TENM2: variants seen among roughly 807,000 people sequenced by gnomAD.
The protein encoded by TENM2 is teneurin transmembrane protein 2.
In TENM2, 52 loss-of-function variants were observed where a neutral mutation model predicts 245.2. The observed-to-expected ratio is 0.21, with a 90% CI of 0.17 to 0.27. The LOEUF is 0.27. TENM2 is among the 10% of genes least tolerant of loss of function. The pLI, the probability that TENM2 is intolerant of heterozygous loss-of-function variation, is 1.00. For synonymous variants in TENM2, 1,363 were observed against 1,438.9 expected (o/e 0.95, Z 1.19); for missense variants, 3,046 against 3,666.8 (o/e 0.83, Z 4.37).
chr5:167,952,651 C>A, exon 4 of TENM2: 1 of 1,613,194 alleles, frequency 6.2e-7, no homozygotes, highest in Non-Finnish European at 8.5e-7. Flanking sequence ...CACAACCACA[C>A]GCTGTCCCAT....
At chr5:167,110,766 T>C in the TENM2 span, among the ~76,000 whole-genome samples, 1 of 152,214 alleles carries the variant, frequency 6.6e-6, no homozygotes, top group Admixed American at 6.5e-5. Flanking sequence ...TATAGTGTTT[T>C]ATTTCCTTAT....
At chr5:167,790,841 G>A (rs1301798620) in intron 2 of TENM2, among the ~76,000 whole-genome samples, 1 of 152,132 alleles carries the variant, frequency 6.6e-6, no homozygotes, top group Admixed American at 6.5e-5. Flanking sequence ...AACATTCTCT[G>A]AAAACAAGGC....
chr5:168,262,832 C>G (rs901973469), exon 29 of TENM2: 10 of 1,567,226 alleles, frequency 6.4e-6, no homozygotes, highest in Non-Finnish European at 8.7e-6. Context: ...GCTGCCATTC[C>G]TTGTCTGAAT....
chr5:167,008,550 TTG>T, the TENM2 span, among the ~76,000 whole-genome samples: 1 of 152,178 alleles, frequency 6.6e-6, no homozygotes, highest in Non-Finnish European at 1.5e-5. Flanking sequence ...TTGATCAGTT[TTG>T]TGTGTTTGTG....
chr5:167,688,606 C>T (rs896454855), intron 2 of TENM2, among the ~76,000 whole-genome samples: 1 of 152,204 alleles, frequency 6.6e-6, no homozygotes, highest in African/African-American at 2.4e-5. Flanking sequence ...CTGTGTATTG[C>T]ACCATGTCCT....
intron 2 of TENM2, among the ~76,000 whole-genome samples, chr5:167,760,308 T>G (rs1332799565): frequency 6.6e-6 from 1 of 152,186 alleles, no homozygotes; most frequent in East Asian, 1.9e-4. Flanking sequence ...ATCCCATCTT[T>G]TGTTGTTCAG....
chr5:168,011,986 A>G (rs1281204490), intron 5 of TENM2, among the ~76,000 whole-genome samples: 1 of 152,216 alleles, frequency 6.6e-6, no homozygotes, highest in Non-Finnish European at 1.5e-5. Context: ...ATGCATAGTC[A>G]GTGGTTAGGA....
the TENM2 span, among the ~76,000 whole-genome samples, chr5:166,993,679 T>G: frequency 2.6e-5 from 4 of 152,208 alleles, no homozygotes; most frequent in Admixed American, 2.6e-4. Flanking sequence ...TAAGTAAATG[T>G]CAACCCAGTG....
intron 25 of TENM2, among the ~76,000 whole-genome samples, chr5:168,235,547 C>G (rs1765353608): frequency 6.6e-6 from 1 of 152,208 alleles, no homozygotes; most frequent in South Asian, 2.1e-4. Context: ...TGGGCACAGC[C>G]TGTAATCCCA....
the TENM2 span, among the ~76,000 whole-genome samples, chr5:166,992,674 A>G: frequency 6.6e-6 from 1 of 152,192 alleles, no homozygotes; most frequent in Middle Eastern, 3.2e-3. Flanking sequence ...AATAGTAACA[A>G]GAGATCTCTC....
At chr5:168,233,290 C>T (rs1472713564) in intron 25 of TENM2, among the ~76,000 whole-genome samples, 1 of 152,130 alleles carries the variant, frequency 6.6e-6, no homozygotes, top group Non-Finnish European at 1.5e-5. Flanking sequence ...CGTGCCACTG[C>T]ACTCCAGTCT....
chr5:167,592,910 T>C (rs1192463163), intron 2 of TENM2, among the ~76,000 whole-genome samples: 1 of 152,210 alleles, frequency 6.6e-6, no homozygotes, highest in Non-Finnish European at 1.5e-5. Context: ...AGGCATATCA[T>C]ATAAAATGTT....
chr5:167,056,102 GA>G, the TENM2 span, among the ~76,000 whole-genome samples: 5 of 151,852 alleles, frequency 3.3e-5, no homozygotes, highest in African/African-American at 1.2e-4. Context: ...ATTTTGCTGA[GA>G]TTTTTTTATT....
intron 2 of TENM2, among the ~76,000 whole-genome samples, chr5:167,508,596 T>G (rs528927300): frequency 3.2e-4 from 48 of 152,300 alleles, no homozygotes; most frequent in South Asian, 1.7e-3. Flanking sequence ...CTGTGAGGCA[T>G]GCATGCAAGG....
chr5:167,300,836 C>T (rs930579733), intron 1 of TENM2, among the ~76,000 whole-genome samples: 2 of 151,962 alleles, frequency 1.3e-5, no homozygotes, highest in Admixed American at 1.3e-4. Flanking sequence ...GTCAGGGAAG[C>T]CCATAACTTA....
At chr5:167,285,814 C>T (rs574101098) in intron 1 of TENM2, among the ~76,000 whole-genome samples, 5 of 152,208 alleles carry the variant, frequency 3.3e-5, no homozygotes, top group Non-Finnish European at 7.3e-5. Context: ...CAGGCAAACG[C>T]ACAAAACTGT....
At chr5:167,457,667 C>T (rs1766007634) in intron 2 of TENM2, among the ~76,000 whole-genome samples, 1 of 152,078 alleles carries the variant, frequency 6.6e-6, no homozygotes, top group African/African-American at 2.4e-5. Context: ...TTTAAAGTCT[C>T]TTCTCTGTCT....
chr5:167,390,995 C>A (rs1192966356), intron 2 of TENM2, among the ~76,000 whole-genome samples: 2 of 152,002 alleles, frequency 1.3e-5, no homozygotes, highest in Admixed American at 6.6e-5. Context: ...ATTTTTTTTC[C>A]AGAGCATACT....
intron 4 of TENM2, among the ~76,000 whole-genome samples, chr5:167,987,425 T>C (rs980852575): frequency 3.9e-5 from 6 of 151,942 alleles, no homozygotes; most frequent in Admixed American, 6.5e-5. Context: ...CCTCCTGGGT[T>C]CAAGTGATTC....
Sources: allele counts gnomAD v4.1 joint callset (sites outside exome capture counted in the v4.1 genomes callset), GRCh38; gene constraint gnomAD v4.1.1; transcripts MANE v1.5; gene names NCBI Gene and HGNC (gene_info 2026-07-23, HGNC 2026-07-21).